BCHE: variants seen among roughly 807,000 people sequenced by gnomAD.
BCHE encodes butyrylcholinesterase, also known as cholinesterase.
A neutral mutation model predicts 51.3 loss-of-function variants in BCHE; 48 were observed. The ratio of observed to expected loss-of-function variants is 0.94; its 90% CI spans 0.74 to 1.19. The LOEUF (loss-of-function observed/expected upper bound fraction) is 1.19, where lower values mean the gene tolerates loss of function less well. Ranked by LOEUF, BCHE falls within the 50% of genes most tolerant of loss-of-function variation. The pLI, the probability that BCHE is intolerant of heterozygous loss-of-function variation, is 0.00. For missense variants in BCHE, 847 were observed against 708.2 expected (o/e 1.20, Z -2.23); for synonymous variants, 251 against 238.0 (o/e 1.05, Z -0.50).
chr3:165,814,308 T>A (rs1240456831), intron 2 of BCHE, among the ~76,000 whole-genome samples: 2 of 152,230 alleles, frequency 1.3e-5, no homozygotes, highest in African/African-American at 4.8e-5. Flanking sequence ...CTTTGAAATA[T>A]TTATTCTCCA....
Position 165,830,351 on chromosome 3 carries a change from C to T in BCHE, c.683G>A (p.Gly228Glu), listed in dbSNP as rs775478077. ...CAAATGCAGGCTAACTGAAGCTGCT[C>T]CTGCACTTTCTCCAAAGAGAGTTAC... is the stretch of plus-strand genomic sequence containing the variant. ...KSVTLFGESAGAASVSLHLLS... is the reference protein window; with the variant it reads ...KSVTLFGESAEAASVSLHLLS... Residue 228 changes from glycine (G) to glutamate (E), a missense_variant, in exon 2 of 4, where the codon GGA (glycine) becomes GAA (glutamate). By Grantham distance (98) the Gly-to-Glu change is moderately conservative (BLOSUM62 -2). Coordinates refer to ENST00000264381, the MANE Select transcript of BCHE (RefSeq NM_000055.4). 1 of 1,613,984 alleles carries T rather than the reference C, an allele frequency of 6.2e-7. No homozygotes were observed. The highest frequency in any genetic ancestry group is 8.5e-7 in the Non-Finnish European group (1 of 1,179,950).
chr3:165,813,481 G>A (rs1303756517), intron 2 of BCHE, among the ~76,000 whole-genome samples: 1 of 151,410 alleles, frequency 6.6e-6, no homozygotes, highest in Non-Finnish European at 1.5e-5. Context: ...CCAATATTTT[G>A]TAAAGTCAAT....
rs77638382 is a variant in BCHE at position 165,833,961 on chromosome 3, A to C, written c.-8-2920T>G. On this transcript the variant is annotated intron_variant, in intron 1 of 3. Transcript: ENST00000264381. ...CAATGTTCTTCTAAGTCTAATGCAAAAGCCATCTATTTTTTCCTTGATTTT... is the reference window on the plus strand; with the variant it reads ...CAATGTTCTTCTAAGTCTAATGCAACAGCCATCTATTTTTTCCTTGATTTT... Among the ~76,000 whole-genome samples the C allele has an allele frequency of 9.5e-3, 1,447 of 152,162 alleles. 23 individuals are homozygous for C. The highest frequency in any genetic ancestry group is 0.033 in the African/African-American group (1,359 of 41,544).
At chr3:165,813,166 C>CT (rs1189352693) in intron 2 of BCHE, among the ~76,000 whole-genome samples, 1 of 151,656 alleles carries the variant, frequency 6.6e-6, no homozygotes, top group Non-Finnish European at 1.5e-5. Context: ...ATAAACAGTG[C>CT]TCTGAATCAT....
At chr3:165,810,735 C>T (rs1714062299) in intron 2 of BCHE, among the ~76,000 whole-genome samples, 1 of 152,244 alleles carries the variant, frequency 6.6e-6, no homozygotes, top group Non-Finnish European at 1.5e-5. Flanking sequence ...TCAACATTGG[C>T]TTCCTTAGCA....
At chr3:165,779,613 C>T (rs2108196938) in intron 3 of BCHE, among the ~76,000 whole-genome samples, 2 of 152,142 alleles carry the variant, frequency 1.3e-5, no homozygotes, top group African/African-American at 4.8e-5. Flanking sequence ...CATTCCTATA[C>T]ACCAATAATA....
intron 2 of BCHE, among the ~76,000 whole-genome samples, chr3:165,789,364 C>T (rs1351377585): frequency 6.6e-6 from 1 of 151,494 alleles, no homozygotes; most frequent in Non-Finnish European, 1.5e-5. Context: ...ATTGATATTT[C>T]AGCACATAGT....
chr3:165,793,434 T>C (rs955486763), intron 2 of BCHE, among the ~76,000 whole-genome samples: 4 of 152,176 alleles, frequency 2.6e-5, no homozygotes, highest in Non-Finnish European at 5.9e-5. Context: ...TTTTCCTTTT[T>C]TCTCATGAGA....
At chr3:165,777,653 G>A (rs1712523316) in intron 3 of BCHE, 3 of 301,994 alleles carry the variant, frequency 9.9e-6, no homozygotes, top group South Asian at 5.4e-5. Flanking sequence ...TAAAAGAAAA[G>A]GTAAAAAATA....
At chr3:165,797,744 A>T (rs1247553528) in intron 2 of BCHE, among the ~76,000 whole-genome samples, 5 of 152,148 alleles carry the variant, frequency 3.3e-5, no homozygotes, top group African/African-American at 9.7e-5. Context: ...TCTGTGCCAT[A>T]AAATTGATGG....
At chr3:165,787,631 A>C (rs1301676238) in intron 2 of BCHE, among the ~76,000 whole-genome samples, 1 of 151,936 alleles carries the variant, frequency 6.6e-6, no homozygotes, top group Non-Finnish European at 1.5e-5. Flanking sequence ...ATTAACATAG[A>C]CATTAATGAT....
intron 2 of BCHE, among the ~76,000 whole-genome samples, chr3:165,793,429 C>T (rs1257074376): frequency 1.3e-5 from 2 of 152,138 alleles, no homozygotes; most frequent in Non-Finnish European, 2.9e-5. Context: ...GTCCTTTTTC[C>T]TTTTTTCTCA....
intron 2 of BCHE, among the ~76,000 whole-genome samples, chr3:165,816,049 A>C (rs2108225271): frequency 6.6e-6 from 1 of 152,068 alleles, no homozygotes; most frequent in South Asian, 2.1e-4. Context: ...ATTCTCTTAA[A>C]ATTTAGGGCA....
chr3:165,808,159 AT>A (rs1307777827), intron 2 of BCHE, among the ~76,000 whole-genome samples: 1 of 151,544 alleles, frequency 6.6e-6, no homozygotes, highest in East Asian at 2.0e-4. Flanking sequence ...AATTTTTGGT[AT>A]TTTTTTAGTA....
In BCHE at chr3:165,783,373, T is replaced by A. The variant is rs116640260; in HGVS notation, c.1684+2772A>T. Reference sequence around the variant, plus strand: ...CAGTTAATTTAACTTGATTATTAAGTTATTCGAAGCCACTTGTTTATTTGT... The same window carrying A: ...CAGTTAATTTAACTTGATTATTAAGATATTCGAAGCCACTTGTTTATTTGT... On this transcript the variant is annotated intron_variant, in intron 3 of 3. Coordinates refer to ENST00000264381, the MANE Select transcript of BCHE (RefSeq NM_000055.4). Among the ~76,000 whole-genome samples the A allele has an allele frequency of 6.5e-3, 988 of 152,236 alleles. 15 individuals carry two copies. Among genetic ancestry groups the A allele is most frequent in the African/African-American group, 0.023 (939 of 41,568 alleles).
chr3:165,786,092 T>A, intron 3 of BCHE, 53 bp downstream of exon 3: 1 of 1,569,424 alleles, frequency 6.4e-7, no homozygotes, highest in East Asian at 2.2e-5. Flanking sequence ...CTTCATCCCT[T>A]TTTTACATAA....
chr3:165,819,074 C>CTT (rs5854159), intron 2 of BCHE, among the ~76,000 whole-genome samples: 1,480 of 136,568 alleles, frequency 0.011, 27 homozygotes, highest in African/African-American at 0.026. Context: ...TTTTTAACTT[C>CTT]TTTTTTTTTT....
At chr3:165,834,617 T>C (rs1188928505) in intron 1 of BCHE, among the ~76,000 whole-genome samples, 1 of 151,956 alleles carries the variant, frequency 6.6e-6, no homozygotes, top group Non-Finnish European at 1.5e-5. Flanking sequence ...TCTAACATGC[T>C]ACTCTGTAGT....
intron 2 of BCHE, among the ~76,000 whole-genome samples, chr3:165,811,184 G>A (rs140175292): frequency 1.6e-4 from 25 of 152,202 alleles, no homozygotes; most frequent in Non-Finnish European, 3.1e-4. Flanking sequence ...AAGTGAAAAA[G>A]TAAAATTATA....
Sources: gnomAD v4.1 joint callset for allele counts (sites outside exome capture counted in the v4.1 genomes callset) on GRCh38, gnomAD v4.1.1 for gene constraint, MANE v1.5 for transcripts, NCBI Gene and HGNC (gene_info 2026-07-23, HGNC 2026-07-21) for gene names.